Variants in SERPINI2 observed in about 807,000 individuals in gnomAD.
SERPINI2 encodes serpin family I member 2, also known as serpin I2.
In SERPINI2, 48 loss-of-function variants were observed where a neutral mutation model predicts 47.3. That is an observed-to-expected ratio of 1.02 (90% CI 0.81 to 1.29). The LOEUF is 1.29. Ranked by LOEUF, SERPINI2 falls within the 50% of genes most tolerant of loss-of-function variation. SERPINI2 has a pLI of 0.00. For missense variants in SERPINI2, 448 were observed against 456.9 expected, an observed-to-expected ratio of 0.98 and a Z score of 0.18; for synonymous variants, 135 against 149.3, an observed-to-expected ratio of 0.90 and a Z score of 0.70.
chr3:167,453,091 C>A (rs1434879238), intron 5 of SERPINI2, 58 bp from the exon 6 acceptor site: 4 of 921,510 alleles, frequency 4.3e-6, no homozygotes, highest in Non-Finnish European at 6.7e-6. Context: ...TTTTTGCTAC[C>A]AATTTTTTAA....
At chr3:167,463,380 A>G (rs892676092) in intron 5 of SERPINI2, among the ~76,000 whole-genome samples, 5 of 152,124 alleles carry the variant, frequency 3.3e-5, no homozygotes, top group Non-Finnish European at 5.9e-5. Context: ...GGGGTTAGAG[A>G]CTCAGATTTT....
intron 5 of SERPINI2, among the ~76,000 whole-genome samples, chr3:167,456,566 AC>A (rs750546435): frequency 3.9e-5 from 6 of 152,014 alleles, no homozygotes; most frequent in Non-Finnish European, 8.8e-5. Flanking sequence ...CCTACTGCTC[AC>A]CCTATCACTG....
At chr3:167,465,628 G>C in exon 4 of SERPINI2, 1 of 1,611,920 alleles carries the variant, frequency 6.2e-7, no homozygotes, top group Middle Eastern at 1.7e-4. Flanking sequence ...GACAAGCCGA[G>C]TCAGAGGGCC....
intron 1 of SERPINI2, chr3:167,473,622 T>C (rs550926068): frequency 2.7e-5 from 12 of 441,860 alleles, no homozygotes; most frequent in African/African-American, 2.2e-4. Flanking sequence ...TTATTAATAA[T>C]CTTAATAATT....
intron 4 of SERPINI2, 22 bp from the exon 5 acceptor site, chr3:167,465,420 A>G (rs762279160): frequency 1.9e-6 from 3 of 1,602,000 alleles, no homozygotes; most frequent in Non-Finnish European, 2.5e-6. Context: ...AAAATAAAAT[A>G]TCAAATATAC....
At chr3:167,451,715 A>G (rs988803658) in intron 6 of SERPINI2, among the ~76,000 whole-genome samples, 1 of 152,342 alleles carries the variant, frequency 6.6e-6, no homozygotes, top group East Asian at 1.9e-4. Context: ...TAGAAGTCAC[A>G]AATTGCTGGG....
chr3:167,464,289 C>G (rs953046564), intron 5 of SERPINI2, among the ~76,000 whole-genome samples: 4 of 152,038 alleles, frequency 2.6e-5, no homozygotes, highest in Admixed American at 6.6e-5. Flanking sequence ...GCTGTGATTA[C>G]AGTCATGAGC....
At chr3:167,473,925 C>A (rs181711067) in intron 1 of SERPINI2, 78 bp downstream of exon 1, 2 of 1,174,680 alleles carry the variant, frequency 1.7e-6, no homozygotes, top group Admixed American at 4.1e-5. Flanking sequence ...AATGCCATTC[C>A]ATACTCTACT....
intron 5 of SERPINI2, among the ~76,000 whole-genome samples, chr3:167,455,327 A>G (rs930247143): frequency 6.6e-6 from 1 of 152,230 alleles, no homozygotes; most frequent in African/African-American, 2.4e-5. Context: ...CAGATCTCAC[A>G]AAGGGAAAAG....
chr3:167,462,287 G>A (rs1343408427), intron 5 of SERPINI2, among the ~76,000 whole-genome samples: 2 of 152,182 alleles, frequency 1.3e-5, no homozygotes, highest in Admixed American at 6.5e-5. Context: ...CCATAACAAA[G>A]TACTACAAAC....
intron 5 of SERPINI2, among the ~76,000 whole-genome samples, chr3:167,458,005 T>G (rs1749850945): frequency 6.6e-6 from 1 of 152,218 alleles, no homozygotes; most frequent in Non-Finnish European, 1.5e-5. Context: ...ACATAGATCT[T>G]TCTAAAACAC....
At chr3:167,442,062 A>G in exon 9 of SERPINI2, 3 of 1,436,952 alleles carry the variant, frequency 2.1e-6, no homozygotes, top group South Asian at 2.5e-5. Context: ...TTTGCCAATC[A>G]GCTATTTTTG....
exon 7 of SERPINI2, chr3:167,449,378 T>C (rs1253194276): frequency 6.2e-7 from 1 of 1,612,186 alleles, no homozygotes; most frequent in Non-Finnish European, 8.5e-7. Context: ...TTGCGTCACT[T>C]GGGAAACATA....
intron 5 of SERPINI2, among the ~76,000 whole-genome samples, chr3:167,461,205 T>G (rs1170174735): frequency 6.6e-6 from 1 of 152,014 alleles, no homozygotes; most frequent in Admixed American, 6.6e-5. Flanking sequence ...AGACAATGTT[T>G]CTAGTTTGGT....
rs184756261 is a variant in SERPINI2, at chr3:167,446,755, G to A, written c.1052-274C>T. 5.7e-4 allele frequency: 121 copies of A among 211,134 alleles called. No individual in the cohort carries two copies. In the Admixed American group the frequency reaches 6.4e-3, roughly 11 times the overall value. 13.1% of individuals were successfully genotyped at this position (211,134 alleles called of 1,614,324 possible). A position where few individuals can be genotyped will look rare whatever the true frequency, so the allele number is the denominator to read the frequency against. ...AGATACCAGATTCAATTTAGTGAAAGCAGTTGAAAAAATTTATCTTTTAAA... is the reference window on the plus strand; with the variant it reads ...AGATACCAGATTCAATTTAGTGAAAACAGTTGAAAAAATTTATCTTTTAAA... On this transcript the variant is annotated intron_variant, in intron 7 of 8. Coordinates refer to ENST00000264677, the Ensembl canonical transcript of SERPINI2.
At chr3:167,449,791 C>A (rs1749594457) in intron 6 of SERPINI2, among the ~76,000 whole-genome samples, 1 of 152,190 alleles carries the variant, frequency 6.6e-6, no homozygotes, top group Admixed American at 6.5e-5. Flanking sequence ...CCACGCCCAG[C>A]ATCATTAGAT....
At chr3:167,447,435 G>A (rs879582395) in intron 7 of SERPINI2, among the ~76,000 whole-genome samples, 10 of 152,122 alleles carry the variant, frequency 6.6e-5, no homozygotes, top group South Asian at 2.1e-4. Context: ...TGAGCAGTCC[G>A]TGAGTGGATT....
intron 8 of SERPINI2, among the ~76,000 whole-genome samples, chr3:167,445,627 G>A (rs1226194973): frequency 6.6e-6 from 1 of 152,204 alleles, no homozygotes; most frequent in Non-Finnish European, 1.5e-5. Flanking sequence ...ATACAGAGAT[G>A]AGTAAAATAT....
Position 167,444,769 on chromosome 3 carries a change from C to A in SERPINI2, c.1141+1623G>T, listed in dbSNP as rs1441803850. 2.0e-5 allele frequency among the ~76,000 whole-genome samples: 3 copies of A among 152,120 alleles called. No individual in the cohort carries two copies. The East Asian group carries it at 5.8e-4, about 29-fold the overall frequency. On this transcript the variant is annotated intron_variant, in intron 8 of 8. Transcript: ENST00000264677. ...AAAACAGTTCAAACTGTCATTAAGACCTGCTAGTTAAGCATTATCACAAAT... is the reference window on the plus strand; with the variant it reads ...AAAACAGTTCAAACTGTCATTAAGAACTGCTAGTTAAGCATTATCACAAAT...
Sources: gnomAD v4.1 joint callset for allele counts (sites outside exome capture counted in the v4.1 genomes callset) on GRCh38, gnomAD v4.1.1 for gene constraint, MANE v1.5 for transcripts, NCBI Gene and HGNC (gene_info 2026-07-23, HGNC 2026-07-21) for gene names.